The following GRID2 variants were observed in gnomAD, a reference collection of about 807,000 sequenced individuals.
GRID2 encodes the protein glutamate ionotropic receptor delta type subunit 2.
In GRID2, 33 loss-of-function variants were observed where a neutral mutation model predicts 114.8. The ratio of observed to expected loss-of-function variants is 0.29; its 90% CI spans 0.22 to 0.38. GRID2 has a LOEUF of 0.38. Among genes scored for constraint, GRID2 ranks in the 10% least tolerant of loss-of-function variants. The pLI, the probability that GRID2 is intolerant of heterozygous loss-of-function variation, is 1.00. For synonymous variants in GRID2, 505 were observed against 449.9 expected (o/e 1.12, Z -1.55); for missense variants, 1,184 against 1,257.7 (o/e 0.94, Z 0.89).
chr4:93,302,775 T>C lies in GRID2; in HGVS notation c.1245+64285T>C. 2 of 328,488 alleles carry C rather than the reference T, an allele frequency of 6.1e-6. 1 individual carries two copies. Among genetic ancestry groups the C allele is most frequent in the South Asian group, 5.0e-5 (2 of 39,842 alleles). 20.3% of individuals were successfully genotyped at this position (328,488 alleles called of 1,614,324 possible). ...ACAATATATCCAACTACACAGTATT[T>C]TAAAGAGAGACTAATTATAATGATT... On this transcript the variant is annotated intron_variant, in intron 8 of 15. Coordinates refer to ENST00000282020, the MANE Select transcript of GRID2 (RefSeq NM_001510.4).
At chr4:92,815,488 C>T (rs1308316117) in intron 2 of GRID2, among the ~76,000 whole-genome samples, 1 of 152,060 alleles carries the variant, frequency 6.6e-6, no homozygotes, top group Non-Finnish European at 1.5e-5. Context: ...TTATGCCACA[C>T]ATTGATTTTC....
intron 2 of GRID2, among the ~76,000 whole-genome samples, chr4:92,738,111 G>A (rs935902849): frequency 6.6e-6 from 1 of 152,012 alleles, no homozygotes; most frequent in African/African-American, 2.4e-5. Context: ...TTTAATGATC[G>A]CCCTTCTAAC....
chr4:93,741,196 T>TATATATAC (rs1731380659), intron 14 of GRID2, among the ~76,000 whole-genome samples: 1 of 29,992 alleles, frequency 3.3e-5, no homozygotes, highest in Non-Finnish European at 5.9e-5. Context: ...TATATATATA[T>TATATATAC]ATATGTATAT....
At chr4:92,720,239 A>G (rs1052487938) in intron 2 of GRID2, among the ~76,000 whole-genome samples, 2 of 152,108 alleles carry the variant, frequency 1.3e-5, no homozygotes, top group African/African-American at 4.8e-5. Context: ...AAAGAAAATT[A>G]CACAGGTAAA....
chr4:93,231,934 C>T (rs2149502192), intron 7 of GRID2, among the ~76,000 whole-genome samples: 1 of 152,204 alleles, frequency 6.6e-6, no homozygotes, highest in South Asian at 2.1e-4. Flanking sequence ...TTGCATGGAA[C>T]TGATAGCATC....
In GRID2 at chr4:92,670,702, T is replaced by C. The variant is rs188024017; in HGVS notation, c.244+80416T>C. 9.9e-5 allele frequency among the ~76,000 whole-genome samples: 15 copies of C among 152,174 alleles called. No homozygotes were observed. The East Asian group carries it at 2.9e-3, about 29-fold the overall frequency. On this transcript the variant is annotated intron_variant, in intron 2 of 15. Coordinates refer to ENST00000282020, the MANE Select transcript of GRID2 (RefSeq NM_001510.4). ...TAGAGCTACAAGGTGGCAGGAAAAGTTCTAAATGCTTTGCATATCTTAATT... is the reference window on the plus strand; with the variant it reads ...TAGAGCTACAAGGTGGCAGGAAAAGCTCTAAATGCTTTGCATATCTTAATT...
chr4:92,668,773 C>T (rs1167080788), intron 2 of GRID2, among the ~76,000 whole-genome samples: 2 of 151,848 alleles, frequency 1.3e-5, no homozygotes, highest in African/African-American at 4.8e-5. Flanking sequence ...AAATAGCTCA[C>T]ATTTTTGCTT....
intron 8 of GRID2, among the ~76,000 whole-genome samples, chr4:93,381,383 C>T (rs1763841408): frequency 6.6e-6 from 1 of 152,042 alleles, no homozygotes; most frequent in African/African-American, 2.4e-5. Flanking sequence ...AAGGTTCATC[C>T]ATGTTGTAGT....
intron 3 of GRID2, among the ~76,000 whole-genome samples, chr4:93,092,128 G>C (rs532465682): frequency 6.6e-6 from 1 of 152,204 alleles, no homozygotes; most frequent in East Asian, 1.9e-4. Context: ...AACATTTGAG[G>C]AGATTGTTTC....
At chr4:92,613,013 G>A (rs766715903) in intron 2 of GRID2, among the ~76,000 whole-genome samples, 2 of 151,354 alleles carry the variant, frequency 1.3e-5, no homozygotes, top group Non-Finnish European at 1.5e-5. Context: ...ATATTAGGTA[G>A]CAAGCATTTA....
intron 1 of GRID2, among the ~76,000 whole-genome samples, chr4:92,548,965 T>G (rs1221294920): frequency 2.0e-5 from 3 of 151,920 alleles, no homozygotes; most frequent in Non-Finnish European, 4.4e-5. Flanking sequence ...CATGGCCAAA[T>G]CACCTCCCAC....
intron 2 of GRID2, among the ~76,000 whole-genome samples, chr4:92,802,344 A>G (rs902320749): frequency 6.6e-6 from 1 of 151,956 alleles, no homozygotes; most frequent in East Asian, 1.9e-4. Context: ...TCATGGTTTT[A>G]TACATTCTAG....
At chr4:93,273,995 C>A (rs1433671) in intron 8 of GRID2, among the ~76,000 whole-genome samples, 107,654 of 151,982 alleles carry the variant, frequency 0.71, 39,128 homozygotes, top group African/African-American at 0.86. Flanking sequence ...CAGAATCTGC[C>A]GATATTATAA....
chr4:93,311,593 G>A (rs1043938244), intron 8 of GRID2, among the ~76,000 whole-genome samples: 4 of 152,212 alleles, frequency 2.6e-5, no homozygotes, highest in African/African-American at 9.6e-5. Context: ...ACTGGTTACT[G>A]GGAGAGAGCA....
intron 8 of GRID2, among the ~76,000 whole-genome samples, chr4:93,382,084 T>G (rs182168636): frequency 6.6e-6 from 1 of 152,210 alleles, no homozygotes; most frequent in Admixed American, 6.6e-5. Flanking sequence ...CATTTCTTTA[T>G]GGTTTCCAAA....
intron 8 of GRID2, among the ~76,000 whole-genome samples, chr4:93,310,572 T>A (rs1035010754): frequency 6.6e-6 from 1 of 152,106 alleles, no homozygotes; most frequent in African/African-American, 2.4e-5. Context: ...CACAGAAAGA[T>A]GAGCAGGTTT....
At chr4:93,685,468 C>T (rs1405271757) in intron 14 of GRID2, among the ~76,000 whole-genome samples, 2 of 152,032 alleles carry the variant, frequency 1.3e-5, no homozygotes, top group Non-Finnish European at 2.9e-5. Flanking sequence ...CTCATTTTAA[C>T]GTCACAACTA....
chr4:92,958,958 G>C (rs1291873883), intron 2 of GRID2, among the ~76,000 whole-genome samples: 2 of 151,438 alleles, frequency 1.3e-5, no homozygotes, highest in African/African-American at 4.8e-5. Flanking sequence ...TGGTCATGGA[G>C]TTGTTTACAA....
chr4:93,589,831 T>C (rs1208575856), intron 13 of GRID2, among the ~76,000 whole-genome samples: 1 of 152,042 alleles, frequency 6.6e-6, no homozygotes, highest in South Asian at 2.1e-4. Context: ...TCATGTGTTT[T>C]TTGGCTGCAT....
Sources: allele counts gnomAD v4.1 joint callset (sites outside exome capture counted in the v4.1 genomes callset), GRCh38; gene constraint gnomAD v4.1.1; transcripts MANE v1.5; gene names NCBI Gene and HGNC (gene_info 2026-07-23, HGNC 2026-07-21).